The following PKIB variants were observed in gnomAD, a reference collection of about 807,000 sequenced individuals.
The protein encoded by PKIB is cAMP-dependent protein kinase inhibitor beta.
A neutral mutation model predicts 4.5 loss-of-function variants in PKIB; 2 were observed. That is an observed-to-expected ratio of 0.44 (90% CI 0.18 to 1.39). The LOEUF is 1.39. Among genes scored for constraint, PKIB ranks in the 40% most tolerant of loss-of-function variants. The pLI is 0.27. For synonymous variants in PKIB, 38 were observed against 36.0 expected (o/e 1.06, Z -0.20); for missense variants, 94 against 92.6 (o/e 1.02, Z -0.06).
chr6:122,590,008 A>T (rs996722735), intron 3 of PKIB, among the ~76,000 whole-genome samples: 7 of 152,278 alleles, frequency 4.6e-5, no homozygotes, highest in African/African-American at 1.7e-4. Flanking sequence ...ATATGTTTTG[A>T]TATTAATAGA....
intron 3 of PKIB, among the ~76,000 whole-genome samples, chr6:122,598,871 T>A (rs1774263470): frequency 6.6e-6 from 1 of 152,112 alleles, no homozygotes; most frequent in African/African-American, 2.4e-5. Flanking sequence ...TGGGCCCAAA[T>A]CAATAAATTC....
chr6:122,705,010 C>T (rs1364753435), intron 3 of PKIB, among the ~76,000 whole-genome samples: 1 of 152,096 alleles, frequency 6.6e-6, no homozygotes, highest in Non-Finnish European at 1.5e-5. Context: ...GAGTTGTGAT[C>T]ATGTCACTGC....
intron 2 of PKIB, among the ~76,000 whole-genome samples, chr6:122,662,308 C>CTTTTTTTTTTTTTTCTTTTTTTTTTTT (rs1777031544): frequency 7.5e-5 from 1 of 13,252 alleles, no homozygotes; most frequent in Non-Finnish European, 1.5e-4. Flanking sequence ...TCCTTGTCTC[C>CTTTTTTTTTTTTTTCTTTTTTTTTTTT]TTTTTTTTTT....
chr6:122,630,226 A>T (rs1349359607), intron 1 of PKIB, among the ~76,000 whole-genome samples: 2 of 152,178 alleles, frequency 1.3e-5, no homozygotes, highest in African/African-American at 4.8e-5. Flanking sequence ...ATATTTGTAC[A>T]CTCATGTTCA....
chr6:122,680,322 G>A (rs978567297), intron 3 of PKIB, among the ~76,000 whole-genome samples: 5 of 152,154 alleles, frequency 3.3e-5, no homozygotes, highest in African/African-American at 1.2e-4. Flanking sequence ...AGTCTGACTG[G>A]GGAAACCCAG....
At chr6:122,472,074 A>G in intron 1 of PKIB, 1 of 373,244 alleles carries the variant, frequency 2.7e-6, no homozygotes, top group Admixed American at 4.6e-5. Context: ...CCTACCATGC[A>G]CTTGCATTTG....
At chr6:122,541,439 T>G (rs1007555687) in intron 2 of PKIB, among the ~76,000 whole-genome samples, 4 of 151,926 alleles carry the variant, frequency 2.6e-5, no homozygotes, top group Non-Finnish European at 5.9e-5. Flanking sequence ...CCTTCACTTA[T>G]GAAGCTTAGT....
chr6:122,501,804 A>C (rs758163581), intron 2 of PKIB, among the ~76,000 whole-genome samples: 1 of 152,122 alleles, frequency 6.6e-6, no homozygotes, highest in Non-Finnish European at 1.5e-5. Context: ...TCCTCAGAAA[A>C]TGGATTTTTC....
intron 2 of PKIB, among the ~76,000 whole-genome samples, chr6:122,664,731 T>G (rs1044050647): frequency 6.6e-6 from 1 of 152,240 alleles, no homozygotes; most frequent in Non-Finnish European, 1.5e-5. Context: ...TTTTTTGTTG[T>G]TGTTTATTTT....
chr6:122,712,310 A>G (rs1325121143), intron 3 of PKIB, among the ~76,000 whole-genome samples: 1 of 152,216 alleles, frequency 6.6e-6, no homozygotes, highest in Non-Finnish European at 1.5e-5. Context: ...TCAAGAGATG[A>G]CTGAATGAAT....
At chr6:122,529,126 C>G (rs1345579595) in intron 2 of PKIB, among the ~76,000 whole-genome samples, 3 of 152,128 alleles carry the variant, frequency 2.0e-5, no homozygotes, top group Non-Finnish European at 4.4e-5. Context: ...TATCTTACAG[C>G]TTCTCTGTTT....
chr6:122,504,980 C>T (rs1776352737), intron 2 of PKIB, among the ~76,000 whole-genome samples: 1 of 152,064 alleles, frequency 6.6e-6, no homozygotes, highest in African/African-American at 2.4e-5. Context: ...TGCAAAACGC[C>T]CCGAGCTCTG....
intron 2 of PKIB, among the ~76,000 whole-genome samples, chr6:122,490,125 G>A (rs968229454): frequency 3.9e-5 from 6 of 152,072 alleles, no homozygotes; most frequent in Middle Eastern, 6.3e-3. Flanking sequence ...CAAGAAAAAG[G>A]GAAAATGCTG....
intron 3 of PKIB, among the ~76,000 whole-genome samples, chr6:122,605,198 C>T (rs1372684593): frequency 6.6e-6 from 1 of 152,164 alleles, no homozygotes; most frequent in Non-Finnish European, 1.5e-5. Context: ...CAAACCTCGG[C>T]TTAGTTATGC....
intron 2 of PKIB, among the ~76,000 whole-genome samples, chr6:122,536,812 A>G (rs573262904): frequency 6.6e-6 from 1 of 152,120 alleles, no homozygotes; most frequent in African/African-American, 2.4e-5. Context: ...CAAAGCAATA[A>G]TAAATATTAG....
chr6:122,538,196 G>A (rs936130692), intron 2 of PKIB, among the ~76,000 whole-genome samples: 10 of 152,164 alleles, frequency 6.6e-5, no homozygotes, highest in Middle Eastern at 3.4e-3. Context: ...GATCCCATTT[G>A]TCAATTTTGG....
intron 2 of PKIB, among the ~76,000 whole-genome samples, chr6:122,525,001 C>A (rs867019851): frequency 6.6e-5 from 10 of 151,080 alleles, no homozygotes; most frequent in African/African-American, 2.4e-4. Context: ...TTTCCTTCTG[C>A]TAATTTTGGG....
intron 3 of PKIB, among the ~76,000 whole-genome samples, chr6:122,598,090 G>T (rs1774235215): frequency 6.6e-6 from 1 of 152,154 alleles, no homozygotes. Context: ...TGCATAAATT[G>T]TTGGCAATGT....
chr6:122,619,494 C>T (rs911050007), intron 1 of PKIB, among the ~76,000 whole-genome samples: 1 of 151,770 alleles, frequency 6.6e-6, no homozygotes, highest in South Asian at 2.1e-4. Flanking sequence ...CCTGTGCCTT[C>T]TCACCCCCGC....
Sources: gnomAD v4.1 joint callset for allele counts (sites outside exome capture counted in the v4.1 genomes callset) on GRCh38, gnomAD v4.1.1 for gene constraint, MANE v1.5 for transcripts, NCBI Gene and HGNC (gene_info 2026-07-23, HGNC 2026-07-21) for gene names.